PABPN1: variants seen among roughly 807,000 people sequenced by gnomAD.
The protein encoded by PABPN1 is poly(A) binding protein nuclear 1.
A neutral mutation model predicts 33.4 loss-of-function variants in PABPN1; 5 were observed. That is an observed-to-expected ratio of 0.15 (90% CI 0.08 to 0.32). The LOEUF (loss-of-function observed/expected upper bound fraction) is 0.32. PABPN1 is among the 10% of genes least tolerant of loss of function. PABPN1 has a pLI of 1.00. For missense variants in PABPN1, 312 were observed against 425.8 expected (o/e 0.73, Z 2.35); for synonymous variants, 176 against 170.6 (o/e 1.03, Z -0.25).
chr14:23,321,880 C>T (rs1263039036), intron 1 of PABPN1, 60 bp downstream of exon 1: 1 of 1,211,340 alleles, frequency 8.3e-7, no homozygotes, highest in Non-Finnish European at 1.1e-6. Context: ...ACTGGAGGCC[C>T]AGAGCTCGGG....
chr14:23,323,998 A>G lies in PABPN1; in HGVS notation c.675A>G (p.Ser225=). The stretch of plus-strand genomic sequence containing the variant: ...ATATAGAGTTCTCAGACAAAGAGTC[A>G]GTGAGGACTTCCTTGGCCTTAGATG... The part of the protein sequence containing the change: ...FAYIEFSDKE[S]VRTSLALDES... The change falls in exon 5 of 7, where the codon TCA becomes TCG. Residue 225 remains serine (S), a synonymous_variant. Transcript: ENST00000216727. The G allele has an allele frequency of 1.2e-6, 2 of 1,614,228 alleles. No homozygotes were observed. The highest frequency in any genetic ancestry group is 1.7e-6 in the Non-Finnish European group (2 of 1,180,030).
At chr14:23,324,428 G>T in intron 6 of PABPN1, 139 bp downstream of exon 6, 1 of 1,251,036 alleles carries the variant, frequency 8.0e-7, no homozygotes, top group Non-Finnish European at 1.1e-6. Flanking sequence ...TGTGCAGGTT[G>T]AGGAAGGTAG....
rs1468553084 is a variant in PABPN1 at position 23,325,234 on chromosome 14, T to G, written c.882-13T>G. On this transcript the variant is annotated splice_polypyrimidine_tract_variant and intron_variant, in intron 6 of 6. Transcript: ENST00000216727. The stretch of plus-strand genomic sequence containing the variant: ...TGATCACGTTAACACCTAACTCTCC[T>G]TCTTTCTTCCAGGGGCCGGGCTAGA... 6.2e-7 allele frequency: 1 copy of G among 1,613,236 alleles called. No individual in the cohort carries two copies.
chr14:23,322,394 C>G, intron 2 of PABPN1, 99 bp downstream of exon 2: 1 of 1,031,870 alleles, frequency 9.7e-7, no homozygotes, highest in Non-Finnish European at 1.5e-6. Flanking sequence ...CACCCTGGAG[C>G]TGCTTGTCTG....
At chr14:23,322,085 G>A (rs528918337) in intron 1 of PABPN1, 96 bp from the exon 2 acceptor site, 4 of 1,307,726 alleles carry the variant, frequency 3.1e-6, no homozygotes, top group Non-Finnish European at 4.3e-6. Context: ...GGAAATGGCC[G>A]AGCATGGCTG....
In PABPN1 at chr14:23,325,315, G is replaced by C. The variant is rs1196106320; in HGVS notation, c.*29G>C. The C allele has an allele frequency of 2.1e-6, 3 of 1,458,722 alleles. No individual in the cohort carries two copies. The highest frequency in any genetic ancestry group is 1.8e-6 in the Non-Finnish European group (2 of 1,093,286). The allele number at this position is 1,458,722 out of a possible 1,614,324, so 90.4% of individuals were successfully genotyped here. ...AAGTGTGTATTAGGAGGAGAGAGAG[G>C]AAAAAAAGAGGAAAGAAGGAAAAAA... On this transcript the variant is annotated 3_prime_UTR_variant, in exon 7 of 7. Coordinates refer to ENST00000216727, the MANE Select transcript of PABPN1 (RefSeq NM_004643.4).
At chr14:23,323,316 G>C (rs1212490827) in intron 3 of PABPN1, 61 bp from the exon 4 acceptor site, 1 of 1,550,726 alleles carries the variant, frequency 6.4e-7, no homozygotes, top group Non-Finnish European at 8.9e-7. Flanking sequence ...AAAGGCTCGG[G>C]AGGGTTCCTT....
At chr14:23,325,198 G>C in intron 6 of PABPN1, 49 bp from the exon 7 acceptor site, 1 of 1,613,204 alleles carries the variant, frequency 6.2e-7, no homozygotes, top group Non-Finnish European at 8.5e-7. Context: ...GGCTTGTACT[G>C]AACTATCTAG....
In PABPN1 at chr14:23,323,044, C is replaced by G. The variant is rs1019200988; in HGVS notation, c.512C>G (p.Ala171Gly). 1 of 1,614,086 alleles carries G rather than the reference C, an allele frequency of 6.2e-7. No individual in the cohort carries two copies. Among genetic ancestry groups the G allele is most frequent in the Non-Finnish European group, 8.5e-7 (1 of 1,180,008 alleles). The change falls in exon 3 of 7, where the codon GCC (alanine) becomes GGC (glycine). Residue 171 changes from alanine (A) to glycine (G), a missense_variant. Transcript: ENST00000216727. ...MSIEEKMEAD[A>G]RSIYVGNVDY... ...ATTGAGGAGAAGATGGAGGCTGATG[C>G]CCGTTCCATCTATGTTGGCAATGTA...
At position 23,321,646 on chromosome 14, in the gene PABPN1, G is replaced by A; in HGVS notation, c.177G>A (p.Glu59=). Residue 59 remains glutamate (E), a synonymous_variant, in exon 1 of 7, where the codon GAG becomes GAA. Coordinates refer to ENST00000216727, the MANE Select transcript of PABPN1 (RefSeq NM_004643.4). ...AGTCTGAGGAACTGGAGCCTGAGGA[G>A]CTGCTGCTGGAGCCCGAGCCGGAGC... The part of the protein sequence containing the change: ...GLESEELEPE[E]LLLEPEPEPE... 6.6e-7 allele frequency: 1 copy of A among 1,512,046 alleles called. No homozygotes were observed. The highest frequency in any genetic ancestry group is 9.0e-7 in the Non-Finnish European group (1 of 1,115,598). 93.7% of individuals were successfully genotyped at this position (1,512,046 alleles called of 1,614,324 possible). A position where few individuals can be genotyped will look rare whatever the true frequency, so the allele number is the denominator to read the frequency against.
In PABPN1 at chr14:23,321,738, C is replaced by T. The variant is rs949653857; in HGVS notation, c.269C>T (p.Ser90Leu). 5 of 1,540,474 alleles carry T rather than the reference C, an allele frequency of 3.2e-6. No individual in the cohort carries two copies. The African/African-American group carries it at 6.9e-5, about 21-fold the overall frequency. ...PPGAPGPGPG[S>L]GAPGSQEEEE... ...GGAGCTCCGGGCCCTGGGCCTGGTT[C>T]GGGAGCCCCCGGCAGCCAAGAGGAG... Residue 90 changes from serine to leucine, a missense_variant, in exon 1 of 7, where the codon TCG becomes TTG. Transcript: ENST00000216727.
At chr14:23,324,651 C>T (rs1040376095) in intron 6 of PABPN1, 6 of 422,918 alleles carry the variant, frequency 1.4e-5, no homozygotes, top group East Asian at 4.9e-5. Flanking sequence ...TTACTTTTTT[C>T]GGAGTTAGGG....
Position 23,324,176 on chromosome 14 carries a change from A to C in PABPN1, c.768A>C (p.Thr256=). The C allele has an allele frequency of 6.2e-7, 1 of 1,614,236 alleles. No homozygotes were observed. Among genetic ancestry groups the C allele is most frequent in the Non-Finnish European group, 8.5e-7 (1 of 1,180,044 alleles). The change falls in exon 6 of 7, where the codon ACA becomes ACC. Residue 256 remains threonine, a synonymous_variant. Coordinates refer to ENST00000216727, the MANE Select transcript of PABPN1 (RefSeq NM_004643.4). ...PKRTNRPGIS[T]TDRGFPRARY... is the part of the protein sequence containing the mutation. ...GAACCAACAGACCAGGCATCAGCAC[A>C]ACAGACCGGGGTTTTCCACGAGCCC...
Position 23,325,453 on chromosome 14 carries a change from T to C in PABPN1, c.*167T>C, listed in dbSNP as rs1888679551. ...GGGGGAGAATCCCATAACTAACTGC[T>C]GAGGAGGGACCTGCTTTGGGGAGTA... On this transcript the variant is annotated 3_prime_UTR_variant, in exon 7 of 7. Transcript: ENST00000216727. 2.2e-6 allele frequency: 2 copies of C among 903,504 alleles called. No homozygotes were observed. Among genetic ancestry groups the C allele is most frequent in the South Asian group, 3.7e-5 (2 of 54,066 alleles). The allele number at this position is 903,504 out of a possible 1,614,324, so 56.0% of individuals were successfully genotyped here.
chr14:23,324,998 C>G, intron 6 of PABPN1: 1 of 477,428 alleles, frequency 2.1e-6, no homozygotes, highest in Middle Eastern at 5.7e-4. Context: ...TTTTCCTTGC[C>G]CCTGTCTCTC....
At chr14:23,323,138 G>T in intron 3 of PABPN1, 72 bp downstream of exon 3, 1 of 1,599,704 alleles carries the variant, frequency 6.3e-7, no homozygotes, top group Non-Finnish European at 8.6e-7. Flanking sequence ...AGTCCTGAAA[G>T]GAACATCTCC....
chr14:23,321,906 C>A, intron 1 of PABPN1, 86 bp downstream of exon 1: 1 of 238,636 alleles, frequency 4.2e-6, no homozygotes, highest in Non-Finnish European at 7.2e-6. Flanking sequence ...GGGTGGCAGG[C>A]GGGGGGTGGG....
intron 2 of PABPN1, 28 bp downstream of exon 2, chr14:23,322,323 C>T: frequency 6.4e-7 from 1 of 1,567,752 alleles, no homozygotes; most frequent in Non-Finnish European, 8.7e-7. Context: ...GCACGCGGAG[C>T]CCGGGTTCTC....
At position 23,321,672 on chromosome 14, in the gene PABPN1, C is replaced by G. The variant is rs1411649143; in HGVS notation, c.203C>G (p.Pro68Arg). 2.0e-6 allele frequency: 3 copies of G among 1,521,348 alleles called. No homozygotes were observed. In the East Asian group the frequency reaches 7.4e-5, roughly 38 times the overall value. 94.2% of individuals were successfully genotyped at this position (1,521,348 alleles called of 1,614,324 possible). ...CTGCTGCTGGAGCCCGAGCCGGAGC[C>G]CGAGCCCGAAGAGGAGCCGCCCCGG... Reference protein sequence around the residue: ...EELLLEPEPEPEPEEEPPRPR... With the variant: ...EELLLEPEPEREPEEEPPRPR... Residue 68 changes from proline to arginine, a missense_variant, in exon 1 of 7, where the codon CCC becomes CGC. Coordinates refer to ENST00000216727, the MANE Select transcript of PABPN1 (RefSeq NM_004643.4).
Sources: gnomAD v4.1 joint callset for allele counts on GRCh38, gnomAD v4.1.1 for gene constraint, MANE v1.5 for transcripts, NCBI Gene and HGNC (gene_info 2026-07-23, HGNC 2026-07-21) for gene names.